ABCD2: variants seen among roughly 807,000 people sequenced by gnomAD.
The protein encoded by ABCD2 is ATP-binding cassette sub-family D member 2.
In ABCD2, 36 loss-of-function variants were observed where a neutral mutation model predicts 70.9. That is an observed-to-expected ratio of 0.51 (90% CI 0.39 to 0.67). The LOEUF is 0.67. Ranked by LOEUF, ABCD2 falls within the 30% of genes least tolerant of loss-of-function variation. The pLI is 0.00. For synonymous variants in ABCD2, 304 were observed against 306.9 expected (o/e 0.99, Z 0.10); for missense variants, 729 against 890.2 (o/e 0.82, Z 2.30).
chr12:39,545,496 G>A (rs902718793), downstream of ABCD2, among the ~76,000 whole-genome samples: 4 of 152,124 alleles, frequency 2.6e-5, no homozygotes, highest in Admixed American at 2.6e-4. Context: ...AACATTCTCA[G>A]CAGGGAGATA....
intron 2 of ABCD2, among the ~76,000 whole-genome samples, chr12:39,609,667 C>T (rs1942018705): frequency 6.6e-6 from 1 of 152,102 alleles, no homozygotes; most frequent in African/African-American, 2.4e-5. Flanking sequence ...ATATAGATAG[C>T]CATAGGCCCA....
At chr12:39,534,634 A>G in the ABCD2 span, among the ~76,000 whole-genome samples, 1,019 of 150,872 alleles carry the variant, frequency 6.8e-3, 15 homozygotes, top group African/African-American at 0.024. Flanking sequence ...CAACACAGGG[A>G]GACCCAGAAA....
chr12:39,558,299 C>G (rs902575325), intron 9 of ABCD2, among the ~76,000 whole-genome samples: 2 of 152,134 alleles, frequency 1.3e-5, no homozygotes, highest in South Asian at 2.1e-4. Context: ...CCCATTATAT[C>G]TAGGAAGTAA....
chr12:39,578,249 C>G (rs796253167), intron 8 of ABCD2, among the ~76,000 whole-genome samples: 15 of 152,078 alleles, frequency 9.9e-5, no homozygotes, highest in African/African-American at 3.4e-4. Context: ...CCGAGGCGGG[C>G]GGATCACGAG....
chr12:39,618,828 A>G lies in ABCD2; in HGVS notation c.788T>C (p.Val263Ala). 1 of 1,614,218 alleles carries G rather than the reference A, an allele frequency of 6.2e-7. No homozygotes were observed. The highest frequency in any genetic ancestry group is 8.5e-7 in the Non-Finnish European group (1 of 1,180,040). ...TAACACTTTAGCAGTGGCATACACC[A>G]CAAGTCCTGCTAGTAGGGTGGGCCC... Reference protein sequence around the residue: ...PIGPTLLAGLVVYATAKVLKA... With the variant: ...PIGPTLLAGLAVYATAKVLKA... The change falls in exon 1 of 10, where the codon GTG (valine) becomes GCG (alanine). Residue 263 changes from valine to alanine, a missense_variant. Val to Ala is a moderately conservative substitution (Grantham distance 64, BLOSUM62 0). Around this residue, in one of 3 missense-constraint regions of ABCD2, gnomAD observed 195 missense variants for 300.2 expected, o/e 0.65. Coordinates refer to ENST00000308666, the MANE Select transcript of ABCD2 (RefSeq NM_005164.4).
rs138119938 is a variant in ABCD2, at chr12:39,619,240, C to A, written c.376G>T (p.Gly126Cys). 355 of 1,614,088 alleles carry A rather than the reference C, an allele frequency of 2.2e-4. No homozygotes were observed. Among genetic ancestry groups the A allele is most frequent in the Non-Finnish European group, 2.8e-4 (336 of 1,180,020 alleles). The change falls in exon 1 of 10, where the codon GGT (glycine) becomes TGT (cysteine). Residue 126 changes from glycine to cysteine, a missense_variant. Physicochemically the swap from Gly to Cys is radical, Grantham distance 159. Transcript: ENST00000308666. ...SRTFLSIYVA[G>C]LDGKIVKSIV... ...CTTTTCACGATTTTTCCATCCAGAC[C>A]AGCCACATAGATAGAAAGAAAGGTT...
Position 39,550,843 on chromosome 12 carries a change from G to T in ABCD2, c.*3069C>A, listed in dbSNP as rs1941078213. On this transcript the variant is annotated 3_prime_UTR_variant, in exon 10 of 10. Coordinates refer to ENST00000308666, the MANE Select transcript of ABCD2 (RefSeq NM_005164.4). ...AGTGTGTAACATTCTCTGGACTTGG[G>T]TTTCAATGTGTAACAGATTTTCCTA... 1 of 151,548 alleles carries T rather than the reference G, an allele frequency of 6.6e-6. No individual in the cohort carries two copies. Among genetic ancestry groups the T allele is most frequent in the African/African-American group, 2.4e-5 (1 of 41,388 alleles). 9.4% of individuals were successfully genotyped at this position (151,548 alleles called of 1,614,324 possible). A position where few individuals can be genotyped will look rare whatever the true frequency, so the allele number is the denominator to read the frequency against.
intron 6 of ABCD2, among the ~76,000 whole-genome samples, chr12:39,599,910 G>A (rs899393745): frequency 1.3e-5 from 2 of 152,174 alleles, no homozygotes; most frequent in Admixed American, 6.5e-5. Flanking sequence ...CAATTAACAT[G>A]AGGAAGTTCT....
At chr12:39,570,573 A>C (rs74440031) in intron 9 of ABCD2, among the ~76,000 whole-genome samples, 11,290 of 152,276 alleles carry the variant, frequency 0.074, 601 homozygotes, top group South Asian at 0.28. Flanking sequence ...CCATATGCAA[A>C]AACAAACTCA....
At chr12:39,598,875 A>G (rs1180468357) in intron 6 of ABCD2, among the ~76,000 whole-genome samples, 1 of 152,220 alleles carries the variant, frequency 6.6e-6, no homozygotes, top group Non-Finnish European at 1.5e-5. Context: ...CTCAGTTTAC[A>G]TATGGATTTA....
At chr12:39,616,867 C>T (rs768667900) in intron 2 of ABCD2, 121 bp downstream of exon 2, 20 of 855,040 alleles carry the variant, frequency 2.3e-5, no homozygotes, top group South Asian at 5.5e-5. Context: ...GCCATTGTTT[C>T]GGACCATTGT....
intron 5 of ABCD2, among the ~76,000 whole-genome samples, chr12:39,602,164 TTTA>T (rs1239226108): frequency 1.3e-5 from 2 of 148,816 alleles, no homozygotes; most frequent in Non-Finnish European, 3.0e-5. Context: ...TATTTATTTA[TTTA>T]TTTTTTATAC....
At chr12:39,570,285 T>C (rs537053236) in intron 9 of ABCD2, among the ~76,000 whole-genome samples, 2 of 152,302 alleles carry the variant, frequency 1.3e-5, no homozygotes, top group South Asian at 4.1e-4. Context: ...GAAAAAATTC[T>C]TGAGCATAAA....
At chr12:39,570,488 G>C (rs544949257) in intron 9 of ABCD2, among the ~76,000 whole-genome samples, 1 of 152,262 alleles carries the variant, frequency 6.6e-6, no homozygotes, top group South Asian at 2.1e-4. Context: ...TATTGGGAAA[G>C]GGCAGTATCC....
intron 9 of ABCD2, among the ~76,000 whole-genome samples, chr12:39,568,041 C>T (rs531963660): frequency 9.9e-4 from 151 of 151,940 alleles, no homozygotes; most frequent in Non-Finnish European, 1.8e-3. Context: ...CCACCTTTCT[C>T]TCTGGCTGCC....
At chr12:39,590,845 C>T (rs957243486) in intron 6 of ABCD2, among the ~76,000 whole-genome samples, 2 of 151,492 alleles carry the variant, frequency 1.3e-5, no homozygotes, top group East Asian at 3.9e-4. Flanking sequence ...TGGGAAAGCA[C>T]TGAGAAGTGT....
the ABCD2 span, chr12:39,539,497 C>T: frequency 6.3e-6 from 1 of 157,860 alleles, no homozygotes; most frequent in Non-Finnish European, 1.4e-5. Flanking sequence ...AAAGCTGGGG[C>T]AGTCCCACTG....
downstream of ABCD2, among the ~76,000 whole-genome samples, chr12:39,545,552 A>C (rs1298880084): frequency 6.6e-6 from 1 of 152,150 alleles, no homozygotes; most frequent in East Asian, 1.9e-4. Context: ...AAGCTAGTGT[A>C]CCTAATCATC....
chr12:39,580,237 G>A (rs1323549609), intron 7 of ABCD2, among the ~76,000 whole-genome samples: 1 of 151,992 alleles, frequency 6.6e-6, no homozygotes, highest in Non-Finnish European at 1.5e-5. Flanking sequence ...TGCCAGATGG[G>A]GCCAGCTACT....
Sources: allele counts gnomAD v4.1 joint callset (sites outside exome capture counted in the v4.1 genomes callset), GRCh38; gene constraint gnomAD v4.1.1; regional missense constraint gnomAD v4.1.1; transcripts MANE v1.5; gene names NCBI Gene and HGNC (gene_info 2026-07-23, HGNC 2026-07-21).